Variants in TTC34 observed in about 807,000 individuals in gnomAD.
The protein encoded by TTC34 is tetratricopeptide repeat domain 34, also known as tetratricopeptide repeat protein 34.
TTC34 carries 44 observed loss-of-function variants against 40.7 expected under a neutral mutation model. The observed-to-expected ratio is 1.08, with a 90% confidence interval of 0.85 to 1.39. TTC34 has a LOEUF of 1.39. TTC34 is among the 40% of genes most tolerant of loss of function. The probability of loss-of-function intolerance (pLI) is 0.00; values close to 1 mark genes in which losing one functional copy is unlikely to be tolerated. For missense variants in TTC34, 884 were observed against 838.0 expected, an observed-to-expected ratio of 1.05 and a Z score of -0.68; for synonymous variants, 422 against 398.6, an observed-to-expected ratio of 1.06 and a Z score of -0.70.
chr1:2,645,511 A>G lies in TTC34; in HGVS notation c.2279T>C (p.Val760Ala). 4 of 1,262,086 alleles carry G rather than the reference A, an allele frequency of 3.2e-6. No individual in the cohort carries two copies. The South Asian group carries it at 3.8e-5, about 12-fold the overall frequency. The allele number at this position is 1,262,086 out of a possible 1,614,324, so 78.2% of individuals were successfully genotyped here. A position where few individuals can be genotyped will look rare whatever the true frequency, so the allele number is the denominator to read the frequency against. Residue 760 changes from valine to alanine, a missense_variant, in exon 7 of 9, where the codon GTC becomes GCC. Physicochemically the swap from Val to Ala is moderately conservative, Grantham distance 64. Transcript: ENST00000401095. This position sits in a 1 kb window ranked among gnomAD's most constrained non-coding sequence, Gnocchi z 4.7. ...CGGCTTCAGAGAGCGGAGCTCAGGGACCACAGTCCCGGGGCCGAGCTTCAG... is the reference window on the plus strand; with the variant it reads ...CGGCTTCAGAGAGCGGAGCTCAGGGGCCACAGTCCCGGGGCCGAGCTTCAG...
rs146649502 is a variant in TTC34 at position 2,786,483 on chromosome 1, G to C, written c.1855-460C>G. On this transcript the variant is annotated intron_variant, in intron 4 of 8. Transcript: ENST00000401095. ...AGGTAGGGAGGGGAGTCGTGAGCCC[G>C]CTCTGGGCTGCAGTCTGAGCCGCAT... is the stretch of plus-strand genomic sequence containing the variant. 5.3e-5 allele frequency among the ~76,000 whole-genome samples: 8 copies of C among 152,302 alleles called. No homozygotes were observed. The East Asian group carries it at 1.4e-3, about 26-fold the overall frequency.
intron 7 of TTC34, 118 bp from the exon 8 acceptor site, chr1:2,644,596 G>T: frequency 9.4e-7 from 1 of 1,065,252 alleles, no homozygotes; most frequent in Non-Finnish European, 1.3e-6. Context: ...GCTGATGATG[G>T]CTCAGCCCAG....
intron 2 of TTC34, among the ~76,000 whole-genome samples, chr1:2,793,078 C>A (rs956981709): frequency 2.0e-5 from 3 of 152,226 alleles, no homozygotes; most frequent in African/African-American, 7.2e-5. Context: ...GCCAGATCTT[C>A]TATTGTTAGA....
chr1:2,765,732 G>C (rs1641769107), intron 6 of TTC34, among the ~76,000 whole-genome samples: 1 of 49,300 alleles, frequency 2.0e-5, no homozygotes, highest in Non-Finnish European at 3.2e-5. Context: ...GCGAGCATCT[G>C]ACAGCCTGGA....
exon 1 of TTC34, chr1:2,801,664 G>A (rs1643774805): frequency 2.0e-5 from 3 of 152,306 alleles, no homozygotes; most frequent in Admixed American, 1.3e-4. Flanking sequence ...GATGTGGCTG[G>A]CTGGAGGGCC....
Position 2,751,563 on chromosome 1 carries a change from C to T in TTC34, c.2226+32046G>A, listed in dbSNP as rs1416616039. Among the ~76,000 whole-genome samples, 260 of 95,176 alleles carry T rather than the reference C, an allele frequency of 2.7e-3. 48 individuals are homozygous for T. Among genetic ancestry groups the T allele is most frequent in the African/African-American group, 0.012 (246 of 20,172 alleles). The allele number at this position is 95,176 out of a possible 152,430, so 62.4% of individuals were successfully genotyped here. ...GCATCTGACAGCCTGCAACAGCACGCACACCCCCAGGTGCGCACGTGACAG... is the reference window on the plus strand; with the variant it reads ...GCATCTGACAGCCTGCAACAGCACGTACACCCCCAGGTGCGCACGTGACAG... On this transcript the variant is annotated intron_variant, in intron 6 of 8. Transcript: ENST00000401095.
chr1:2,642,034 G>T, intron 8 of TTC34, 139 bp from the exon 9 acceptor site: 1 of 963,224 alleles, frequency 1.0e-6, no homozygotes, highest in Non-Finnish European at 1.5e-6. Context: ...CTGCACAGGA[G>T]CTGCCCGCTG....
rs746727647 is a variant in TTC34 at position 2,785,948 on chromosome 1, G to C, written c.1930C>G (p.Arg644Gly). 2.0e-6 allele frequency: 3 copies of C among 1,523,204 alleles called. No homozygotes were observed. The East Asian group carries it at 7.5e-5, about 38-fold the overall frequency. The allele number at this position is 1,523,204 out of a possible 1,614,324, so 94.4% of individuals were successfully genotyped here. A position where few individuals can be genotyped will look rare whatever the true frequency, so the allele number is the denominator to read the frequency against. ...TGGCAGTGGCCTTGAAGCAGCTGCCGGTCCTCGTGGCAGAAGACGTCCAGG... is the reference window on the plus strand; with the variant it reads ...TGGCAGTGGCCTTGAAGCAGCTGCCCGTCCTCGTGGCAGAAGACGTCCAGG... The change falls in exon 5 of 9, where the codon CGG becomes GGG. Residue 644 changes from arginine to glycine, a missense_variant. Coordinates refer to ENST00000401095, the Ensembl canonical transcript of TTC34.
chr1:2,641,916 G>C lies in TTC34; in HGVS notation c.2713-21C>G, dbSNP rs2100985182. On this transcript the variant is annotated intron_variant, in intron 8 of 8. Transcript: ENST00000401095. ...GCCGCCTGCACAGAGGACACAGAGAGAGGCAGGGAGAGTGGGGTCAGCCCC... is the reference window on the plus strand; with the variant it reads ...GCCGCCTGCACAGAGGACACAGAGACAGGCAGGGAGAGTGGGGTCAGCCCC... 6 of 1,447,458 alleles carry C rather than the reference G, an allele frequency of 4.1e-6. No individual in the cohort carries two copies. In the South Asian group the frequency reaches 5.7e-5, roughly 14 times the overall value. 89.7% of individuals were successfully genotyped at this position (1,447,458 alleles called of 1,614,324 possible). A position where few individuals can be genotyped will look rare whatever the true frequency, so the allele number is the denominator to read the frequency against.
intron 6 of TTC34, among the ~76,000 whole-genome samples, chr1:2,757,558 C>T (rs1433237611): frequency 9.1e-4 from 56 of 61,468 alleles, no homozygotes; most frequent in African/African-American, 3.4e-3. Flanking sequence ...CACTCCCAGA[C>T]GAGCATAGGA....
intron 4 of TTC34, among the ~76,000 whole-genome samples, chr1:2,786,806 C>G (rs970999350): frequency 2.6e-5 from 4 of 152,188 alleles, no homozygotes; most frequent in Non-Finnish European, 5.9e-5. Flanking sequence ...AATGCTGCCC[C>G]CTGCTGGCTG....
At chr1:2,651,621 T>G (rs1282434953) in intron 6 of TTC34, among the ~76,000 whole-genome samples, 1 of 148,176 alleles carries the variant, frequency 6.7e-6, no homozygotes, top group African/African-American at 2.5e-5. Context: ...ATCTGACAGC[T>G]TGGAACATCA....
intron 6 of TTC34, among the ~76,000 whole-genome samples, chr1:2,685,189 G>A (rs1299162663): frequency 7.6e-6 from 1 of 132,222 alleles, no homozygotes; most frequent in African/African-American, 3.0e-5. Context: ...GCCTGGAACA[G>A]CACCCACACC....
intron 6 of TTC34, among the ~76,000 whole-genome samples, chr1:2,682,135 C>A (rs201506331): frequency 1.0e-4 from 12 of 114,370 alleles, no homozygotes; most frequent in East Asian, 3.0e-4. Flanking sequence ...CAGCCTGGAA[C>A]AGCACCCTGC....
chr1:2,787,100 C>T (rs1330379677), intron 4 of TTC34, among the ~76,000 whole-genome samples: 1 of 152,172 alleles, frequency 6.6e-6, no homozygotes, highest in Non-Finnish European at 1.5e-5. Flanking sequence ...GCTACCCACC[C>T]CAAGGCAGGG....
intron 6 of TTC34, among the ~76,000 whole-genome samples, chr1:2,686,030 G>GTGCC (rs1640325620): frequency 2.3e-5 from 2 of 85,160 alleles, no homozygotes; most frequent in African/African-American, 6.0e-5. Context: ...GCCTGGAACA[G>GTGCC]CACCCTGCAC....
chr1:2,687,932 G>C (rs1202956955), intron 6 of TTC34, among the ~76,000 whole-genome samples: 2 of 149,314 alleles, frequency 1.3e-5, no homozygotes, highest in African/African-American at 4.9e-5. Context: ...CACACGCCCA[G>C]GTGAGCCTCT....
At chr1:2,757,834 C>G (rs1272646330) in intron 6 of TTC34, among the ~76,000 whole-genome samples, 9 of 148,630 alleles carry the variant, frequency 6.1e-5, no homozygotes, top group African/African-American at 2.2e-4. Context: ...ACCCACACCC[C>G]CAGGTGCGCA....
chr1:2,777,539 C>T (rs1438785225), intron 6 of TTC34, among the ~76,000 whole-genome samples: 1 of 152,232 alleles, frequency 6.6e-6, no homozygotes, highest in Non-Finnish European at 1.5e-5. Flanking sequence ...AGCACCCCTG[C>T]ATGTTACCTG....
Sources: allele counts gnomAD v4.1 joint callset (sites outside exome capture counted in the v4.1 genomes callset), GRCh38; gene constraint gnomAD v4.1.1; non-coding constraint Gnocchi (gnomAD v3.1); transcripts MANE v1.5; gene names NCBI Gene and HGNC (gene_info 2026-07-23, HGNC 2026-07-21).